The following TNIP1 variants were observed in gnomAD, a reference collection of about 807,000 sequenced individuals.
TNIP1 encodes TNFAIP3 interacting protein 1.
Under a neutral mutation model 86.6 loss-of-function variants are expected in TNIP1, and 22 were observed. The ratio of observed to expected loss-of-function variants is 0.25; its 90% CI spans 0.18 to 0.36. The LOEUF (loss-of-function observed/expected upper bound fraction) is 0.36. Among genes scored for constraint, TNIP1 ranks in the 10% least tolerant of loss-of-function variants. The pLI, the probability that TNIP1 is intolerant of heterozygous loss-of-function variation, is 1.00. For synonymous variants in TNIP1, 294 were observed against 313.0 expected (o/e 0.94, Z 0.64); for missense variants, 709 against 820.6 (o/e 0.86, Z 1.66).
chr5:151,081,123 G>A (rs1272623759), upstream of TNIP1: 1 of 152,152 alleles, frequency 6.6e-6, no homozygotes, highest in African/African-American at 2.4e-5. Flanking sequence ...CGCTCCGGGC[G>A]GGCCCGCGGC....
chr5:151,042,592 C>T lies in TNIP1; in HGVS notation c.1082G>A (p.Arg361His), dbSNP rs569996693. 35 of 1,613,904 alleles carry T rather than the reference C, an allele frequency of 2.2e-5. No individual in the cohort carries two copies. Among genetic ancestry groups the T allele is most frequent in the Admixed American group, 8.3e-5 (5 of 60,030 alleles). Residue 361 changes from arginine (R) to histidine (H), a missense_variant, in exon 11 of 18, where the codon CGT (arginine) becomes CAT (histidine). Transcript: ENST00000521591. Reference sequence around the variant, plus strand: ...CAGGAGGAGCTTGCGGTCAAAGTCACGCTGCTTCTGCTCCCGCTCGGCCTC... The same window carrying T: ...CAGGAGGAGCTTGCGGTCAAAGTCATGCTGCTTCTGCTCCCGCTCGGCCTC... The part of the protein sequence containing the change: ...DLEAEREQKQ[R>H]DFDRKLLLAK...
At chr5:151,054,690 T>TA (rs995754029) in intron 6 of TNIP1, among the ~76,000 whole-genome samples, 4 of 151,852 alleles carry the variant, frequency 2.6e-5, no homozygotes, top group Non-Finnish European at 5.9e-5. Context: ...CAACACCCCT[T>TA]AAAAAAAAGA....
In TNIP1 at chr5:151,035,530, C is replaced by T. The variant is rs1581730817; in HGVS notation, c.1521+52G>A. On this transcript the variant is annotated intron_variant, in intron 14 of 17. Coordinates refer to ENST00000521591, the MANE Select transcript of TNIP1 (RefSeq NM_006058.5). ...ACCAGGGCCCTCCAATCCATGCCCC[C>T]TCTCCCCACGAGGACAGGCCAGTTG... is the stretch of plus-strand genomic sequence containing the variant. 3.1e-6 allele frequency: 5 copies of T among 1,613,284 alleles called. No homozygotes were observed. The African/African-American group carries it at 4.0e-5, about 13-fold the overall frequency.
chr5:151,076,796 C>A (rs1394583961), intron 1 of TNIP1, among the ~76,000 whole-genome samples: 2 of 152,170 alleles, frequency 1.3e-5, no homozygotes, highest in Non-Finnish European at 2.9e-5. Flanking sequence ...AGGTGGAAAG[C>A]GCCCTGATCC....
At chr5:151,057,370 C>A (rs1760805747) in intron 5 of TNIP1, among the ~76,000 whole-genome samples, 1 of 152,208 alleles carries the variant, frequency 6.6e-6, no homozygotes, top group South Asian at 2.1e-4. Context: ...GCACAGTCAG[C>A]CCTCCATATC....
At chr5:151,078,872 C>T (rs951960287) in intron 1 of TNIP1, among the ~76,000 whole-genome samples, 2 of 152,190 alleles carry the variant, frequency 1.3e-5, no homozygotes, top group African/African-American at 4.8e-5. Flanking sequence ...AGACAAACAA[C>T]CTCCTACAAC....
In TNIP1 at chr5:151,042,592, C is replaced by A; in HGVS notation, c.1082G>T (p.Arg361Leu). 6.2e-7 allele frequency: 1 copy of A among 1,613,904 alleles called. No individual in the cohort carries two copies. The highest frequency in any genetic ancestry group is 8.5e-7 in the Non-Finnish European group (1 of 1,180,030). The change falls in exon 11 of 18, where the codon CGT becomes CTT. Residue 361 changes from arginine to leucine, a missense_variant. By Grantham distance (102) the Arg-to-Leu change is moderately radical (BLOSUM62 -2). Transcript: ENST00000521591. Reference sequence around the variant, plus strand: ...CAGGAGGAGCTTGCGGTCAAAGTCACGCTGCTTCTGCTCCCGCTCGGCCTC... The same window carrying A: ...CAGGAGGAGCTTGCGGTCAAAGTCAAGCTGCTTCTGCTCCCGCTCGGCCTC... Reference protein sequence around the residue: ...DLEAEREQKQRDFDRKLLLAK... With the variant: ...DLEAEREQKQLDFDRKLLLAK...
intron 6 of TNIP1, among the ~76,000 whole-genome samples, chr5:151,052,942 G>C (rs532825269): frequency 2.6e-5 from 4 of 152,088 alleles, no homozygotes; most frequent in Non-Finnish European, 5.9e-5. Context: ...TAGGGGGGCT[G>C]AAAGGCACAC....
chr5:151,058,236 T>C (rs1760938160), intron 5 of TNIP1, among the ~76,000 whole-genome samples: 2 of 152,216 alleles, frequency 1.3e-5, no homozygotes, highest in African/African-American at 4.8e-5. Flanking sequence ...ATGTGTCTTC[T>C]GGGGAATGGC....
intron 14 of TNIP1, among the ~76,000 whole-genome samples, chr5:151,035,294 C>T (rs1197606730): frequency 6.6e-6 from 1 of 152,232 alleles, no homozygotes; most frequent in African/African-American, 2.4e-5. Context: ...AGAGGGTTCA[C>T]GTGAACCTCG....
intron 1 of TNIP1, chr5:151,078,403 C>T (rs778140247): frequency 2.0e-5 from 3 of 152,238 alleles, no homozygotes; most frequent in Non-Finnish European, 4.4e-5. Context: ...CAGAAATACA[C>T]TCGAGAGGAC....
intron 6 of TNIP1, among the ~76,000 whole-genome samples, chr5:151,053,427 T>C (rs1760226738): frequency 6.6e-6 from 1 of 152,164 alleles, no homozygotes; most frequent in Admixed American, 6.6e-5. Flanking sequence ...AACTGTTTCT[T>C]CTCTGCCTCC....
Position 151,064,694 on chromosome 5 carries a change from T to C in TNIP1, c.136+266A>G, listed in dbSNP as rs182222977. Among the ~76,000 whole-genome samples, 453 of 152,268 alleles carry C rather than the reference T, an allele frequency of 3.0e-3. 3 individuals are homozygous for C. The highest frequency in any genetic ancestry group is 0.01 in the Middle Eastern group (3 of 294). On this transcript the variant is annotated intron_variant, in intron 2 of 17. Transcript: ENST00000521591. ...CCATTAACTGGGCCTTCCAGCCCCC[T>C]TTCCCTTAGCCCACGCCTCCCTCTT...
rs1416481624 is a variant in TNIP1, at chr5:151,052,150, G to A, written c.722+15C>T. ...CCCCCACTCCTCACCCCTTCTCTGA[G>A]GGGCCTGAACTTACCGCAGCCTCTC... On this transcript the variant is annotated intron_variant, in intron 7 of 17. Coordinates refer to ENST00000521591, the MANE Select transcript of TNIP1 (RefSeq NM_006058.5). 1.2e-6 allele frequency: 2 copies of A among 1,612,508 alleles called. No homozygotes were observed. The highest frequency in any genetic ancestry group is 1.7e-6 in the Non-Finnish European group (2 of 1,179,212).
At chr5:151,081,269 C>G (rs1002903628), upstream of TNIP1, among the ~76,000 whole-genome samples, 4 of 152,180 alleles carry the variant, frequency 2.6e-5, no homozygotes, top group African/African-American at 9.7e-5. Flanking sequence ...CTGCGCGGCG[C>G]CTTGCCGCAC....
At chr5:151,042,767 G>C in intron 10 of TNIP1, 96 bp from the exon 11 acceptor site, 2 of 1,594,332 alleles carry the variant, frequency 1.3e-6, no homozygotes, top group South Asian at 2.2e-5. Flanking sequence ...CTCCAACACT[G>C]CCCCCAACTT....
At position 151,062,910 on chromosome 5, in the gene TNIP1, T is replaced by C. The variant is rs1262081476; in HGVS notation, c.272-698A>G. 3.3e-5 allele frequency among the ~76,000 whole-genome samples: 5 copies of C among 152,264 alleles called. No homozygotes were observed. In the East Asian group the frequency reaches 5.8e-4, roughly 18 times the overall value. On this transcript the variant is annotated intron_variant, in intron 3 of 17. Coordinates refer to ENST00000521591, the MANE Select transcript of TNIP1 (RefSeq NM_006058.5). ...GGCTGTCACATTGGCCTGGGCCAGA[T>C]ACCATACAGTAGAGCTGCAGCAGGA...
intron 1 of TNIP1, among the ~76,000 whole-genome samples, chr5:151,068,545 G>T (rs1762495287): frequency 6.6e-6 from 1 of 152,196 alleles, no homozygotes; most frequent in Non-Finnish European, 1.5e-5. Context: ...AGGGGAAAAG[G>T]AAGCACTGAC....
At position 151,047,280 on chromosome 5, in the gene TNIP1, C is replaced by G. The variant is rs550339333; in HGVS notation, c.847-1330G>C. On this transcript the variant is annotated intron_variant, in intron 8 of 17. Coordinates refer to ENST00000521591, the MANE Select transcript of TNIP1 (RefSeq NM_006058.5). ...TGCCAAAACACGTAACCTCAATCTC[C>G]TCATGAGATCCAATCACTTGTGAGG... Among the ~76,000 whole-genome samples the G allele has an allele frequency of 3.3e-5, 5 of 152,342 alleles. No homozygotes were observed. The South Asian group carries it at 1.0e-3, about 32-fold the overall frequency.
Sources: allele counts gnomAD v4.1 joint callset (sites outside exome capture counted in the v4.1 genomes callset), GRCh38; gene constraint gnomAD v4.1.1; transcripts MANE v1.5; gene names NCBI Gene and HGNC (gene_info 2026-07-23, HGNC 2026-07-21).